Variants in PDXDC1 observed in about 807,000 individuals in gnomAD.
PDXDC1 encodes the protein pyridoxal dependent decarboxylase domain containing 1.
In PDXDC1, 42 loss-of-function variants were observed where a neutral mutation model predicts 100.1. That is an observed-to-expected ratio of 0.42 (90% CI 0.33 to 0.54). The LOEUF (loss-of-function observed/expected upper bound fraction) is 0.54. Ranked by LOEUF, PDXDC1 falls within the 20% of genes least tolerant of loss-of-function variation. PDXDC1 has a pLI of 0.10. For missense variants in PDXDC1, 636 were observed against 979.2 expected (o/e 0.65, Z 4.68); for synonymous variants, 260 against 371.7 (o/e 0.70, Z 3.46).
intron 1 of PDXDC1, among the ~76,000 whole-genome samples, chr16:14,995,808 A>C (rs924634391): frequency 2.0e-5 from 3 of 152,292 alleles, no homozygotes; most frequent in African/African-American, 7.2e-5. Flanking sequence ...AATTATTGCC[A>C]CAATTTCAGA....
At chr16:15,070,043 C>A (rs1243067532) in intron 16 of PDXDC1, 5 of 1,238,680 alleles carry the variant, frequency 4.0e-6, no homozygotes, top group Non-Finnish European at 5.7e-6. Flanking sequence ...CAAGGAAAAT[C>A]CAGTCCAGCA....
rs958558865 is a variant in PDXDC1, at chr16:15,082,267, G to A, written c.1399+52211G>A. 4.3e-4 allele frequency among the ~76,000 whole-genome samples: 66 copies of A among 152,240 alleles called. No individual in the cohort carries two copies. In the South Asian group the frequency reaches 5.6e-3, roughly 13 times the overall value. ...GAGAAAATTTCCTTCTGTTTTTCTCGTAAAAGGATATTGGTGTTTGTCACA... is the reference window on the plus strand; with the variant it reads ...GAGAAAATTTCCTTCTGTTTTTCTCATAAAAGGATATTGGTGTTTGTCACA... On this transcript the variant is annotated intron_variant, in intron 16 of 16. Coordinates refer to the PDXDC1 transcript ENST00000535621.
intron 16 of PDXDC1, among the ~76,000 whole-genome samples, chr16:15,053,210 A>C (rs2044364001): frequency 6.6e-6 from 1 of 152,248 alleles, no homozygotes; most frequent in Non-Finnish European, 1.5e-5. Flanking sequence ...GCAGGCTGCC[A>C]GGGTTCCAAT....
At chr16:15,104,416 G>T in intron 16 of PDXDC1, 1 of 1,454,738 alleles carries the variant, frequency 6.9e-7, no homozygotes, top group Non-Finnish European at 9.1e-7. Context: ...GAGGTGTCTT[G>T]AGATTATCAT....
chr16:15,015,308 A>C (rs1276086217), intron 8 of PDXDC1, among the ~76,000 whole-genome samples: 1 of 152,300 alleles, frequency 6.6e-6, no homozygotes, highest in African/African-American at 2.4e-5. Context: ...ATAAAATAAA[A>C]AGGTGGAAAA....
At chr16:15,030,493 C>G (rs1232958092) in intron 16 of PDXDC1, among the ~76,000 whole-genome samples, 1 of 128,596 alleles carries the variant, frequency 7.8e-6, no homozygotes, top group Non-Finnish European at 1.6e-5. Context: ...TTGCAGTGAG[C>G]TGAGATTACA....
chr16:15,041,407 C>T (rs1342138266), downstream of PDXDC1, among the ~76,000 whole-genome samples: 2 of 152,060 alleles, frequency 1.3e-5, no homozygotes, highest in African/African-American at 4.8e-5. Context: ...TGCCCTCCTT[C>T]CTGGTAGACG....
Position 15,003,285 on chromosome 16 carries a change from C to T in PDXDC1, c.243-902C>T, listed in dbSNP as rs188459114. Among the ~76,000 whole-genome samples the T allele has an allele frequency of 3.3e-3, 469 of 140,592 alleles. 2 individuals carry two copies. Among genetic ancestry groups the T allele is most frequent in the African/African-American group, 0.011 (412 of 38,098 alleles). The allele number at this position is 140,592 out of a possible 152,430, so 92.2% of individuals were successfully genotyped here. ...AGGCTGGAGTGCAGTGGTGCCATTTCGGCTCACTTCAAGCTCTGCCTCCCG... is the reference window on the plus strand; with the variant it reads ...AGGCTGGAGTGCAGTGGTGCCATTTTGGCTCACTTCAAGCTCTGCCTCCCG... On this transcript the variant is annotated intron_variant, in intron 4 of 22. Transcript: ENST00000396410.
At position 15,128,777 on chromosome 16, in the gene PDXDC1, C is replaced by T. The variant is rs375709325; in HGVS notation, c.1400-10102C>T. On this transcript the variant is annotated intron_variant, in intron 16 of 16. Coordinates refer to the PDXDC1 transcript ENST00000535621. ...TGCAAAGCGTGAAGCTGTGTCACCTCCTCTCCCAGTGACAGACCCAGGTGA... is the reference window on the plus strand; with the variant it reads ...TGCAAAGCGTGAAGCTGTGTCACCTTCTCTCCCAGTGACAGACCCAGGTGA... Among the ~76,000 whole-genome samples, 14 of 152,086 alleles carry T rather than the reference C, an allele frequency of 9.2e-5. No homozygotes were observed. In the South Asian group the frequency reaches 2.3e-3, roughly 25 times the overall value.
In PDXDC1 at chr16:15,104,234, C is replaced by T. The variant is rs987856197; in HGVS notation, c.1400-34645C>T. On this transcript the variant is annotated intron_variant, in intron 16 of 16. Coordinates refer to the PDXDC1 transcript ENST00000535621. ...ACCACTTCTAAAGATTAAAAAAACC[C>T]CTACGATTAAAAACCTCAGGTCCCT... The T allele has an allele frequency of 2.4e-6, 3 of 1,226,010 alleles. No homozygotes were observed. The African/African-American group carries it at 4.9e-5, about 20-fold the overall frequency. The allele number at this position is 1,226,010 out of a possible 1,614,324, so 75.9% of individuals were successfully genotyped here.
At chr16:15,040,334 T>A, downstream of PDXDC1, 1 of 391,002 alleles carries the variant, frequency 2.6e-6, no homozygotes, top group Non-Finnish European at 4.5e-6. Flanking sequence ...AGCCATTCCT[T>A]CAGTCGGACA....
intron 1 of PDXDC1, chr16:14,989,131 G>A: frequency 1.2e-6 from 2 of 1,614,276 alleles, no homozygotes; most frequent in Non-Finnish European, 1.7e-6. Context: ...TCCACTCCTG[G>A]GCTGAAGAGC....
chr16:15,089,727 G>C (rs1415278663), intron 16 of PDXDC1, among the ~76,000 whole-genome samples: 1 of 142,790 alleles, frequency 7.0e-6, no homozygotes, highest in South Asian at 2.2e-4. Flanking sequence ...TTGAACCCGG[G>C]AGGCGGAGCT....
rs189747270 is a variant in PDXDC1 at position 15,037,793 on chromosome 16, C to T, written c.*1518C>T. On this transcript the variant is annotated 3_prime_UTR_variant, in exon 23 of 23. Transcript: ENST00000396410. Reference sequence around the variant, plus strand: ...TAGGTTCTCCTCTGCCCGTTATTACCGACCAAAAAAAAAACTGGACATCAA... The same window carrying T: ...TAGGTTCTCCTCTGCCCGTTATTACTGACCAAAAAAAAAACTGGACATCAA... 12 of 408,136 alleles carry T rather than the reference C, an allele frequency of 2.9e-5. No individual in the cohort carries two copies. Among genetic ancestry groups the T allele is most frequent in the South Asian group, 1.4e-4 (3 of 21,292 alleles). The allele number at this position is 408,136 out of a possible 1,614,324, so 25.3% of individuals were successfully genotyped here. A position where few individuals can be genotyped will look rare whatever the true frequency, so the allele number is the denominator to read the frequency against.
At chr16:15,030,911 C>T (rs1207706928) in intron 16 of PDXDC1, among the ~76,000 whole-genome samples, 3 of 151,922 alleles carry the variant, frequency 2.0e-5, no homozygotes, top group Non-Finnish European at 2.9e-5. Flanking sequence ...TGGCCGCCCA[C>T]CCCCAGAGAT....
chr16:15,038,117 G>T lies in PDXDC1; in HGVS notation c.*1842G>T, dbSNP rs1136001. ...GCTTTATTTCCAGAAAACAGTGTGT[G>T]AGCTGGAGATGGGTGTTTTTTTAAA... On this transcript the variant is annotated 3_prime_UTR_variant, in exon 23 of 23. Coordinates refer to ENST00000396410, the MANE Select transcript of PDXDC1 (RefSeq NM_015027.4). 502,710 of 1,606,596 alleles carry T rather than the reference G, an allele frequency of 0.31. 82,276 individuals are homozygous for T. Among genetic ancestry groups the T allele is most frequent in the Admixed American group, 0.51 (30,432 of 59,598 alleles).
chr16:15,137,735 C>A, intron 16 of PDXDC1: 1 of 1,309,710 alleles, frequency 7.6e-7, no homozygotes, highest in Non-Finnish European at 1.1e-6. Flanking sequence ...CAGAGCTGGC[C>A]CCACCCACCG....
At chr16:15,018,470 G>A (rs1286425417) in intron 11 of PDXDC1, among the ~76,000 whole-genome samples, 2 of 152,282 alleles carry the variant, frequency 1.3e-5, no homozygotes, top group Non-Finnish European at 2.9e-5. Flanking sequence ...GCAAAATAAG[G>A]TTTAAGTGAT....
intron 21 of PDXDC1, among the ~76,000 whole-genome samples, chr16:15,035,123 A>G (rs948802842): frequency 2.0e-5 from 3 of 152,222 alleles, no homozygotes; most frequent in African/African-American, 7.2e-5. Flanking sequence ...TCATGAAAGC[A>G]AAAGATAATC....
Sources: allele counts gnomAD v4.1 joint callset (sites outside exome capture counted in the v4.1 genomes callset), GRCh38; gene constraint gnomAD v4.1.1; transcripts MANE v1.5; gene names NCBI Gene and HGNC (gene_info 2026-07-23, HGNC 2026-07-21).